Variants in PCDH15 observed in about 807,000 individuals in gnomAD.
The protein encoded by PCDH15 is protocadherin-15.
A neutral mutation model predicts 178.5 loss-of-function variants in PCDH15; 129 were observed. The observed-to-expected ratio is 0.72, with a 90% CI of 0.63 to 0.84. The LOEUF (loss-of-function observed/expected upper bound fraction) is 0.84, where lower values mean the gene tolerates loss of function less well. PCDH15 is among the 40% of genes least tolerant of loss of function. The pLI is 0.00. For missense variants in PCDH15, 2,230 were observed against 2,099.9 expected (o/e 1.06, Z -1.21); for synonymous variants, 800 against 732.0 (o/e 1.09, Z -1.50).
At chr10:54,355,039 C>T (rs1944751925) in intron 5 of PCDH15, among the ~76,000 whole-genome samples, 1 of 145,054 alleles carries the variant, frequency 6.9e-6, no homozygotes, top group African/African-American at 2.6e-5. Flanking sequence ...AAGTGTATCT[C>T]TACACTTTCA....
At chr10:55,322,805 G>GGC (rs36069202), upstream of PCDH15, among the ~76,000 whole-genome samples, 85 of 99,970 alleles carry the variant, frequency 8.5e-4, no homozygotes, top group African/African-American at 3.7e-3. Context: ...AAAAAAAAAT[G>GGC]GGGGGGGAGA....
intron 1 of PCDH15, among the ~76,000 whole-genome samples, chr10:54,754,995 C>G (rs1591465818): frequency 7.8e-6 from 1 of 128,926 alleles, no homozygotes; most frequent in East Asian, 2.4e-4. Flanking sequence ...GTCACCCAGG[C>G]TGAAGTGCAA....
At chr10:55,355,624 G>C (rs1045434725) in intron 2 of PCDH15, among the ~76,000 whole-genome samples, 35 of 151,982 alleles carry the variant, frequency 2.3e-4, no homozygotes, top group African/African-American at 8.4e-4. Context: ...AGTGTTTCGA[G>C]TTCTTAATAT....
intron 26 of PCDH15, among the ~76,000 whole-genome samples, chr10:53,869,710 G>T (rs1589168831): frequency 6.6e-6 from 1 of 152,130 alleles, no homozygotes; most frequent in South Asian, 2.1e-4. Context: ...GGGAGGCTAA[G>T]GCTGGAGGAT....
intron 31 of PCDH15, 82 bp downstream of exon 31, chr10:53,828,483 C>T (rs2076834496): frequency 8.5e-7 from 1 of 1,179,752 alleles, no homozygotes; most frequent in African/African-American, 1.5e-5. Context: ...TGGTTCTGAG[C>T]AGGCTGACTT....
chr10:55,485,773 G>A (rs573458577), intron 2 of PCDH15, among the ~76,000 whole-genome samples: 1 of 151,772 alleles, frequency 6.6e-6, no homozygotes, highest in African/African-American at 2.4e-5. Context: ...ATACAATCCA[G>A]TAATTCCACT....
intron 26 of PCDH15, among the ~76,000 whole-genome samples, chr10:53,888,701 A>C (rs1309513605): frequency 3.4e-4 from 9 of 26,806 alleles, no homozygotes; most frequent in Admixed American, 7.7e-4. Flanking sequence ...ATATATATAT[A>C]TATCTCCTGT....
chr10:54,757,972 A>G (rs1015169392), intron 1 of PCDH15, among the ~76,000 whole-genome samples: 4 of 152,174 alleles, frequency 2.6e-5, no homozygotes, highest in African/African-American at 9.6e-5. Context: ...TCATTGCTTT[A>G]TATTATTTGA....
intron 1 of PCDH15, among the ~76,000 whole-genome samples, chr10:55,303,949 AT>A (rs991912880): frequency 2.0e-5 from 3 of 151,634 alleles, no homozygotes; most frequent in South Asian, 4.2e-4. Flanking sequence ...TTTGCACTTC[AT>A]TTTTTTTAGT....
At chr10:53,922,520 G>A (rs762283629) in intron 25 of PCDH15, among the ~76,000 whole-genome samples, 1 of 152,212 alleles carries the variant, frequency 6.6e-6, no homozygotes, top group Non-Finnish European at 1.5e-5. Flanking sequence ...TGGATCTTAA[G>A]TAATTTCATA....
At chr10:55,073,203 C>G (rs1229151957) in intron 2 of PCDH15, among the ~76,000 whole-genome samples, 1 of 151,812 alleles carries the variant, frequency 6.6e-6, no homozygotes, top group Admixed American at 6.6e-5. Flanking sequence ...CAGGGATGCC[C>G]TCTCTCACCA....
intron 1 of PCDH15, among the ~76,000 whole-genome samples, chr10:55,220,191 AC>A (rs1353800574): frequency 7.2e-5 from 11 of 152,034 alleles, no homozygotes; most frequent in Admixed American, 5.9e-4. Flanking sequence ...ATGGTACCAA[AC>A]ATTGCAGTGT....
At position 54,421,470 on chromosome 10, in the gene PCDH15, T is replaced by C. The variant is rs1955293316; in HGVS notation, c.158-42528A>G. On this transcript the variant is annotated intron_variant, in intron 3 of 37. Transcript: ENST00000644397. ...GGACTATATAAAATAAACTTTATTA[T>C]ATTTAGCATTTGATTTTTATTTATG... 1.5e-5 allele frequency among the ~76,000 whole-genome samples: 2 copies of C among 130,390 alleles called. 1 individual carries two copies. The allele number at this position is 130,390 out of a possible 152,430, so 85.5% of individuals were successfully genotyped here.
chr10:55,395,388 A>G (rs1837903389), intron 2 of PCDH15, among the ~76,000 whole-genome samples: 2 of 152,110 alleles, frequency 1.3e-5, no homozygotes, highest in African/African-American at 4.8e-5. Context: ...ATTTTCTAAT[A>G]TTTTGATTTC....
chr10:55,321,758 G>A (rs1017437799), upstream of PCDH15, among the ~76,000 whole-genome samples: 4 of 152,122 alleles, frequency 2.6e-5, no homozygotes, highest in Non-Finnish European at 4.4e-5. Flanking sequence ...GCCAAATTAA[G>A]CTTCATAAGT....
intron 20 of PCDH15, among the ~76,000 whole-genome samples, chr10:54,005,262 T>C (rs2092344206): frequency 6.6e-6 from 1 of 152,126 alleles, no homozygotes; most frequent in Non-Finnish European, 1.5e-5. Context: ...CAAAGATTTC[T>C]TGAGTAATAC....
At chr10:55,313,158 A>G (rs765953078) in intron 1 of PCDH15, among the ~76,000 whole-genome samples, 7 of 152,166 alleles carry the variant, frequency 4.6e-5, no homozygotes, top group African/African-American at 7.2e-5. Context: ...CCTACACATA[A>G]GACACTACTC....
At chr10:53,845,168 A>T (rs1349698089) in intron 28 of PCDH15, among the ~76,000 whole-genome samples, 1 of 151,840 alleles carries the variant, frequency 6.6e-6, no homozygotes, top group Admixed American at 6.6e-5. Context: ...ATCACAATGA[A>T]ATATTATCTC....
chr10:53,967,002 C>T (rs1403678034), intron 21 of PCDH15, among the ~76,000 whole-genome samples: 4 of 152,082 alleles, frequency 2.6e-5, no homozygotes, highest in Non-Finnish European at 1.5e-5. Context: ...AATCTTTCTG[C>T]CTCAGCCTCC....
Sources: allele counts gnomAD v4.1 joint callset (sites outside exome capture counted in the v4.1 genomes callset), GRCh38; gene constraint gnomAD v4.1.1; transcripts MANE v1.5; gene names NCBI Gene and HGNC (gene_info 2026-07-23, HGNC 2026-07-21).